MED13L: variants seen among roughly 807,000 people sequenced by gnomAD.
MED13L encodes mediator complex subunit 13L.
A neutral mutation model predicts 220.9 loss-of-function variants in MED13L; 7 were observed. The ratio of observed to expected loss-of-function variants is 0.03; its 90% CI spans 0.02 to 0.06. The LOEUF is 0.06. Among genes scored for constraint, MED13L ranks in the 10% least tolerant of loss-of-function variants. The probability of loss-of-function intolerance (pLI) is 1.00; values close to 1 mark genes in which losing one functional copy is unlikely to be tolerated. For missense variants in MED13L, 1,965 were observed against 2,760.5 expected, an observed-to-expected ratio of 0.71 and a Z score of 6.46; for synonymous variants, 1,011 against 1,015.2, an observed-to-expected ratio of 1.00 and a Z score of 0.08.
At chr12:116,124,144 G>C (rs1462023252) in intron 2 of MED13L, among the ~76,000 whole-genome samples, 1 of 149,746 alleles carries the variant, frequency 6.7e-6, no homozygotes, top group African/African-American at 2.4e-5. Flanking sequence ...GAGAGAGAGA[G>C]AGAGAGACAG....
At chr12:115,995,514 C>T (rs1359322353) in intron 16 of MED13L, among the ~76,000 whole-genome samples, 5 of 152,150 alleles carry the variant, frequency 3.3e-5, no homozygotes, top group South Asian at 2.1e-4. Flanking sequence ...ACCTCCGCCT[C>T]GTGAGTTCAA....
At chr12:115,971,421 A>C (rs768129616) in intron 26 of MED13L, among the ~76,000 whole-genome samples, 1 of 152,222 alleles carries the variant, frequency 6.6e-6, no homozygotes, top group Non-Finnish European at 1.5e-5. Context: ...TTTTATAAGG[A>C]ATAAGTGGGG....
At chr12:116,183,499 C>T (rs973761876) in intron 2 of MED13L, among the ~76,000 whole-genome samples, 2 of 152,034 alleles carry the variant, frequency 1.3e-5, no homozygotes, top group Non-Finnish European at 1.5e-5. Flanking sequence ...TTTAAAATAT[C>T]AAATATCAAA....
At chr12:116,024,768 C>A (rs1360725398) in intron 4 of MED13L, among the ~76,000 whole-genome samples, 1 of 7,722 alleles carries the variant, frequency 1.3e-4, no homozygotes, top group Non-Finnish European at 3.2e-4. Flanking sequence ...TTTTTTTTGG[C>A]GGGGCGGGGG....
At chr12:116,026,748 G>A (rs1880417068) in intron 4 of MED13L, among the ~76,000 whole-genome samples, 1 of 152,138 alleles carries the variant, frequency 6.6e-6, no homozygotes, top group South Asian at 2.1e-4. Context: ...CTAGAAAGTT[G>A]AATCCCCCTG....
chr12:116,086,287 T>C (rs1871678375), intron 4 of MED13L, among the ~76,000 whole-genome samples: 1 of 25,566 alleles, frequency 3.9e-5, no homozygotes, highest in Admixed American at 5.5e-4. Context: ...ATAATTCTTT[T>C]TTTTTTTTTT....
At chr12:116,232,582 CG>C (rs1430941311) in intron 2 of MED13L, among the ~76,000 whole-genome samples, 1 of 152,194 alleles carries the variant, frequency 6.6e-6, no homozygotes, top group Non-Finnish European at 1.5e-5. Context: ...TCATAAAATA[CG>C]TTTCATTAAC....
chr12:115,982,202 C>T, intron 22 of MED13L, 182 bp downstream of exon 22: 1 of 632,216 alleles, frequency 1.6e-6, no homozygotes, highest in Non-Finnish European at 2.7e-6. Flanking sequence ...CAAAGGTCTC[C>T]CATTATATAT....
intron 2 of MED13L, among the ~76,000 whole-genome samples, chr12:116,188,003 A>G (rs1405057913): frequency 6.6e-6 from 1 of 152,160 alleles, no homozygotes; most frequent in Non-Finnish European, 1.5e-5. Context: ...CAGAGTGCCA[A>G]CAACAGTGTC....
chr12:116,244,550 A>G (rs1177061828), intron 1 of MED13L, among the ~76,000 whole-genome samples: 1 of 152,218 alleles, frequency 6.6e-6, no homozygotes, highest in African/African-American at 2.4e-5. Context: ...ATACAACCCA[A>G]TTGACACAGA....
At chr12:115,963,262 C>A (rs533367139) in intron 30 of MED13L, 145 bp downstream of exon 30, 4 of 725,574 alleles carry the variant, frequency 5.5e-6, no homozygotes, top group Non-Finnish European at 9.9e-6. Context: ...GGGACTGCAG[C>A]TCTCACTGAC....
intron 1 of MED13L, among the ~76,000 whole-genome samples, chr12:116,254,943 A>T (rs1871906928): frequency 6.6e-6 from 1 of 152,232 alleles, no homozygotes; most frequent in Non-Finnish European, 1.5e-5. Context: ...GAACTGAAAG[A>T]TTTAAAATCG....
At chr12:116,038,932 AT>A (rs1366743548) in intron 4 of MED13L, among the ~76,000 whole-genome samples, 7 of 151,680 alleles carry the variant, frequency 4.6e-5, no homozygotes, top group Non-Finnish European at 1.0e-4. Context: ...TAAATTTACT[AT>A]ATGAAAGCTA....
At chr12:116,008,116 C>G (rs1879166251) in intron 10 of MED13L, 1 of 440,880 alleles carries the variant, frequency 2.3e-6, no homozygotes, top group Non-Finnish European at 4.0e-6. Flanking sequence ...TCTTATAAAG[C>G]TATATTCTTT....
intron 2 of MED13L, among the ~76,000 whole-genome samples, chr12:116,158,967 T>A (rs1878655208): frequency 6.6e-6 from 1 of 152,164 alleles, no homozygotes; most frequent in Non-Finnish European, 1.5e-5. Flanking sequence ...CTGGCTCATG[T>A]CAACAATCAA....
Position 115,991,987 on chromosome 12 carries a change from A to G in MED13L, c.2997-30T>C. ...AAAAAGAGAAGGCACCAAGTGAGGA[A>G]GGGCAGCATGTCACAGATGCTGAAC... is the stretch of plus-strand genomic sequence containing the variant. On this transcript the variant is annotated intron_variant, in intron 16 of 30. Coordinates refer to ENST00000281928, the MANE Select transcript of MED13L (RefSeq NM_015335.5). This position sits in a 1 kb window ranked among gnomAD's most constrained non-coding sequence, Gnocchi z 7.7. The G allele has an allele frequency of 6.4e-7, 1 of 1,568,430 alleles. No homozygotes were observed.
chr12:115,964,376 G>A (rs1367280119), intron 29 of MED13L, among the ~76,000 whole-genome samples: 2 of 152,142 alleles, frequency 1.3e-5, no homozygotes, highest in Non-Finnish European at 2.9e-5. Flanking sequence ...GGCATGAAAT[G>A]TCTACTGTCC....
At chr12:116,004,117 G>A (rs1878907215) in intron 13 of MED13L, among the ~76,000 whole-genome samples, 1 of 152,172 alleles carries the variant, frequency 6.6e-6, no homozygotes, top group Non-Finnish European at 1.5e-5. Flanking sequence ...ACAATTACCA[G>A]GATGGTGGTC....
In MED13L at chr12:115,991,416, G is replaced by A. The variant is rs1456081515; in HGVS notation, c.3538C>T (p.Leu1180Phe). The A allele has an allele frequency of 1.2e-6, 2 of 1,613,984 alleles. No individual in the cohort carries two copies. Among genetic ancestry groups the A allele is most frequent in the African/African-American group, 2.7e-5 (2 of 74,896 alleles). Reference protein sequence around the residue: ...RKLGYNSGLFLEDELDIFGKN... With the variant: ...RKLGYNSGLFFEDELDIFGKN... Reference sequence around the variant, plus strand: ...CCAAAAATATCCAACTCATCTTCAAGGAAGAGTCCTGAATTGTAGCCAAGT... The same window carrying A: ...CCAAAAATATCCAACTCATCTTCAAAGAAGAGTCCTGAATTGTAGCCAAGT... The change falls in exon 17 of 31, where the codon CTT (leucine) becomes TTT (phenylalanine). Residue 1180 changes from leucine (L) to phenylalanine (F), a missense_variant. Coordinates refer to ENST00000281928, the MANE Select transcript of MED13L (RefSeq NM_015335.5). This position sits in a 1 kb window ranked among gnomAD's most constrained non-coding sequence, Gnocchi z 7.7.
Sources: gnomAD v4.1 joint callset for allele counts (sites outside exome capture counted in the v4.1 genomes callset) on GRCh38, gnomAD v4.1.1 for gene constraint, Gnocchi (gnomAD v3.1) non-coding constraint, MANE v1.5 for transcripts, NCBI Gene and HGNC (gene_info 2026-07-23, HGNC 2026-07-21) for gene names.